The following GNA13 variants were observed in gnomAD, a reference collection of about 807,000 sequenced individuals.
GNA13 encodes G protein subunit alpha 13, also known as guanine nucleotide-binding protein subunit alpha-13.
In GNA13, 4 loss-of-function variants were observed where a neutral mutation model predicts 33.5. The ratio of observed to expected loss-of-function variants is 0.12; its 90% CI spans 0.06 to 0.27. The LOEUF (loss-of-function observed/expected upper bound fraction) is 0.27, where lower values mean the gene tolerates loss of function less well. GNA13 is among the 10% of genes least tolerant of loss of function. The pLI is 1.00. For missense variants in GNA13, 319 were observed against 487.2 expected, an observed-to-expected ratio of 0.65 and a Z score of 3.25; for synonymous variants, 176 against 183.8, an observed-to-expected ratio of 0.96 and a Z score of 0.34.
chr17:65,016,499 T>G (rs1221200678), intron 3 of GNA13, among the ~76,000 whole-genome samples: 1 of 152,190 alleles, frequency 6.6e-6, no homozygotes, highest in African/African-American at 2.4e-5. Flanking sequence ...TAGCTGGGAT[T>G]ACAGGTGTGC....
intron 2 of GNA13, among the ~76,000 whole-genome samples, chr17:65,021,840 A>G (rs1906593089): frequency 6.6e-6 from 1 of 152,378 alleles, no homozygotes; most frequent in Middle Eastern, 3.4e-3. Flanking sequence ...TAGATTTTCT[A>G]ATAAAAAGCA....
At chr17:65,046,703 C>G (rs1396593778) in intron 2 of GNA13, among the ~76,000 whole-genome samples, 1 of 152,170 alleles carries the variant, frequency 6.6e-6, no homozygotes, top group Non-Finnish European at 1.5e-5. Context: ...GCTCACAAAC[C>G]TTTTTCCTGG....
intron 2 of GNA13, among the ~76,000 whole-genome samples, chr17:65,020,744 G>A (rs559319454): frequency 4.6e-5 from 7 of 151,558 alleles, no homozygotes; most frequent in East Asian, 3.9e-4. Flanking sequence ...TCCACCTCCC[G>A]GGTTCAAGCC....
Position 65,056,611 on chromosome 17 carries a change from C to A in GNA13, c.-18G>T, listed in dbSNP as rs1219705241. ...TCCGCCATCTTGCCGCCGCCGCCGCCGCCTCGGCGGGCCCCTCCGGCTCCC... is the reference window on the plus strand; with the variant it reads ...TCCGCCATCTTGCCGCCGCCGCCGCAGCCTCGGCGGGCCCCTCCGGCTCCC... On this transcript the variant is annotated 5_prime_UTR_variant, in exon 1 of 4. Coordinates refer to ENST00000439174, the MANE Select transcript of GNA13 (RefSeq NM_006572.6). 6.3e-7 allele frequency: 1 copy of A among 1,596,114 alleles called. No homozygotes were observed. The highest frequency in any genetic ancestry group is 1.7e-4 in the Middle Eastern group (1 of 6,034).
intron 2 of GNA13, among the ~76,000 whole-genome samples, chr17:65,035,075 G>A (rs1907194185): frequency 6.6e-6 from 1 of 152,156 alleles, no homozygotes; most frequent in Admixed American, 6.6e-5. Flanking sequence ...ATGAGCCACG[G>A]TACTTAACAA....
chr17:65,030,482 A>C (rs904630239), intron 2 of GNA13, among the ~76,000 whole-genome samples: 3 of 152,260 alleles, frequency 2.0e-5, no homozygotes, highest in Non-Finnish European at 2.9e-5. Flanking sequence ...TATGCATCAC[A>C]CATGTAATTA....
intron 2 of GNA13, among the ~76,000 whole-genome samples, chr17:65,031,880 G>A (rs904959995): frequency 3.2e-5 from 4 of 126,344 alleles, no homozygotes; most frequent in African/African-American, 9.4e-5. Flanking sequence ...GAGAGAGAGA[G>A]AGAGAGAGAG....
chr17:65,034,951 A>C (rs915678733), intron 2 of GNA13, among the ~76,000 whole-genome samples: 2 of 152,058 alleles, frequency 1.3e-5, no homozygotes, highest in African/African-American at 2.4e-5. Context: ...ACGCCTGGCT[A>C]ATTTTGTATT....
In GNA13 at chr17:65,014,609, A is replaced by C; in HGVS notation, c.782T>G (p.Leu261Arg). The C allele has an allele frequency of 6.2e-7, 1 of 1,614,060 alleles. No homozygotes were observed. Among genetic ancestry groups the C allele is most frequent in the Non-Finnish European group, 8.5e-7 (1 of 1,179,876 alleles). The change falls in exon 4 of 4, where the codon CTG becomes CGG. Residue 261 changes from leucine (L) to arginine (R), a missense_variant. By Grantham distance (102) the Leu-to-Arg change is moderately radical. Coordinates refer to ENST00000439174, the MANE Select transcript of GNA13 (RefSeq NM_006572.6). The surrounding 1 kb of genome is among the most constrained non-coding windows in gnomAD (Gnocchi z 5.3). ...EFDQVLMEDR[L>R]TNRLTESLNI... ...CAGAGACTCTGTAAGGCGATTGGTC[A>C]GTCGATCTTCCATAAGCACCTGGTC...
At chr17:65,018,567 A>G (rs1184816972) in intron 2 of GNA13, among the ~76,000 whole-genome samples, 1 of 152,236 alleles carries the variant, frequency 6.6e-6, no homozygotes, top group African/African-American at 2.4e-5. Flanking sequence ...GATTACACGC[A>G]TGCTTTTTGC....
chr17:65,044,160 ATTTTGCC>A (rs1228272758), intron 2 of GNA13, among the ~76,000 whole-genome samples: 1 of 152,190 alleles, frequency 6.6e-6, no homozygotes, highest in Non-Finnish European at 1.5e-5. Context: ...CTTTCAGTTC[ATTTTGCC>A]AAAGGAAGAG....
In GNA13 at chr17:65,056,567, G is replaced by T. The variant is rs535430914; in HGVS notation, c.27C>A (p.Ser9=). The change falls in exon 1 of 4, where the codon TCC becomes TCA. Residue 9 remains serine (S), a synonymous_variant. Transcript: ENST00000439174. MADFLPSR[S]VLSVCFPGCL... ...AGCCGGGGAAGCACACGGACAGCACGGACCGCGACGGCAGGAAGTCCGCCA... is the reference window on the plus strand; with the variant it reads ...AGCCGGGGAAGCACACGGACAGCACTGACCGCGACGGCAGGAAGTCCGCCA... The T allele has an allele frequency of 2.5e-6, 4 of 1,607,772 alleles. No homozygotes were observed. Among genetic ancestry groups the T allele is most frequent in the South Asian group, 2.2e-5 (2 of 90,890 alleles).
In GNA13 at chr17:65,013,270, T is replaced by G. The variant is rs549176863; in HGVS notation, c.*987A>C. 1.4e-5 allele frequency: 3 copies of G among 209,310 alleles called. No individual in the cohort carries two copies. The highest frequency in any genetic ancestry group is 2.3e-5 in the African/African-American group (1 of 43,880). 13.0% of individuals were successfully genotyped at this position (209,310 alleles called of 1,614,324 possible). A position where few individuals can be genotyped will look rare whatever the true frequency, so the allele number is the denominator to read the frequency against. ...ATGCCACAAATGGCACAGTGTGGAG[T>G]TGATGGGACTGGACAGGACAGCAAA... On this transcript the variant is annotated 3_prime_UTR_variant, in exon 4 of 4. Transcript: ENST00000439174.
rs1251367666 is a variant in GNA13, at chr17:65,009,591, T to C, written c.*4666A>G. On this transcript the variant is annotated 3_prime_UTR_variant, in exon 4 of 4. Coordinates refer to ENST00000439174, the MANE Select transcript of GNA13 (RefSeq NM_006572.6). The stretch of plus-strand genomic sequence containing the variant: ...AAAATCCTAAGCCACAAATATTTTA[T>C]AGAGCTAATACGAGTCATGTTTTGT... 2.0e-5 allele frequency among the ~76,000 whole-genome samples: 3 copies of C among 152,210 alleles called. No homozygotes were observed. The highest frequency in any genetic ancestry group is 6.5e-5 in the Admixed American group (1 of 15,282).
At chr17:65,041,057 C>G (rs924378885) in intron 2 of GNA13, among the ~76,000 whole-genome samples, 9 of 152,108 alleles carry the variant, frequency 5.9e-5, no homozygotes, top group Admixed American at 3.3e-4. Flanking sequence ...GATGATATAT[C>G]TGATTTTCTA....
intron 2 of GNA13, among the ~76,000 whole-genome samples, chr17:65,048,415 G>C (rs945332287): frequency 6.6e-6 from 1 of 152,152 alleles, no homozygotes; most frequent in Non-Finnish European, 1.5e-5. Flanking sequence ...TGCAGTGGCA[G>C]GCTATGTTGA....
intron 2 of GNA13, among the ~76,000 whole-genome samples, chr17:65,023,141 G>A (rs1200705676): frequency 4.6e-5 from 7 of 152,232 alleles, no homozygotes; most frequent in African/African-American, 1.7e-4. Context: ...ACTGGAATAT[G>A]CTAGGCTGTG....
In GNA13 at chr17:65,011,231, T is replaced by C; in HGVS notation, c.*3026A>G. On this transcript the variant is annotated 3_prime_UTR_variant, in exon 4 of 4. Transcript: ENST00000439174. ...CTTTAAACCAACCACTGCCACCAAC[T>C]GAATAAGGATTTCCCTAAACAGCCT... The C allele has an allele frequency of 5.0e-6, 1 of 199,054 alleles. No homozygotes were observed. Among genetic ancestry groups the C allele is most frequent in the East Asian group, 7.8e-5 (1 of 12,878 alleles). The allele number at this position is 199,054 out of a possible 1,614,324, so 12.3% of individuals were successfully genotyped here.
At chr17:65,047,430 C>T (rs1262191498) in intron 2 of GNA13, among the ~76,000 whole-genome samples, 1 of 152,050 alleles carries the variant, frequency 6.6e-6, no homozygotes, top group Non-Finnish European at 1.5e-5. Context: ...TCTACTATCT[C>T]TAATGTTATA....
Sources: allele counts gnomAD v4.1 joint callset (sites outside exome capture counted in the v4.1 genomes callset), GRCh38; gene constraint gnomAD v4.1.1; non-coding constraint Gnocchi (gnomAD v3.1); transcripts MANE v1.5; gene names NCBI Gene and HGNC (gene_info 2026-07-23, HGNC 2026-07-21).